ZNF385B: variants seen among roughly 807,000 people sequenced by gnomAD.
The protein encoded by ZNF385B is zinc finger protein 385B.
Under a neutral mutation model 39.2 loss-of-function variants are expected in ZNF385B, and 23 were observed. The ratio of observed to expected loss-of-function variants is 0.59; its 90% CI spans 0.42 to 0.83. The LOEUF (loss-of-function observed/expected upper bound fraction) is 0.83, where lower values mean the gene tolerates loss of function less well. ZNF385B is among the 40% of genes least tolerant of loss of function. The probability of loss-of-function intolerance (pLI) is 0.00; values close to 1 mark genes in which losing one functional copy is unlikely to be tolerated. For missense variants in ZNF385B, 552 were observed against 598.9 expected, an observed-to-expected ratio of 0.92 and a Z score of 0.82; for synonymous variants, 205 against 222.6, an observed-to-expected ratio of 0.92 and a Z score of 0.70.
chr2:179,599,936 C>T (rs1688283943), intron 3 of ZNF385B, among the ~76,000 whole-genome samples: 1 of 152,216 alleles, frequency 6.6e-6, no homozygotes, highest in Non-Finnish European at 1.5e-5. Context: ...GCTGCTGGCT[C>T]TGGGCTGCTC....
intron 3 of ZNF385B, among the ~76,000 whole-genome samples, chr2:179,707,046 G>A (rs1331167710): frequency 6.6e-6 from 1 of 152,160 alleles, no homozygotes; most frequent in East Asian, 1.9e-4. Context: ...GGTGAGATGA[G>A]CCCATAAAGG....
chr2:179,771,578 C>T (rs1022129664), intron 1 of ZNF385B, among the ~76,000 whole-genome samples: 14 of 152,166 alleles, frequency 9.2e-5, no homozygotes, highest in African/African-American at 2.7e-4. Context: ...TGTAGCTAAG[C>T]TACAGAAAAT....
At chr2:179,613,821 TTTTAAG>T (rs1225244768) in intron 3 of ZNF385B, among the ~76,000 whole-genome samples, 7 of 152,092 alleles carry the variant, frequency 4.6e-5, no homozygotes, top group African/African-American at 1.4e-4. Context: ...CTAGACTGCC[TTTTAAG>T]TTTATTTAGA....
chr2:179,638,193 TGA>T (rs1176252921), intron 3 of ZNF385B, among the ~76,000 whole-genome samples: 1 of 152,210 alleles, frequency 6.6e-6, no homozygotes, highest in Non-Finnish European at 1.5e-5. Flanking sequence ...TAAAATTTGT[TGA>T]GTGTCGATCT....
intron 6 of ZNF385B, among the ~76,000 whole-genome samples, chr2:179,454,349 G>GA (rs1287466809): frequency 6.6e-6 from 1 of 152,166 alleles, no homozygotes; most frequent in Non-Finnish European, 1.5e-5. Context: ...ATTCTGGTGT[G>GA]AACAAACCTA....
intron 6 of ZNF385B, among the ~76,000 whole-genome samples, chr2:179,458,138 T>C (rs544325277): frequency 1.4e-4 from 22 of 152,348 alleles, no homozygotes; most frequent in African/African-American, 5.3e-4. Flanking sequence ...TACCATATGA[T>C]ATGGTTTGGC....
At chr2:179,467,130 C>T (rs970578335) in intron 6 of ZNF385B, among the ~76,000 whole-genome samples, 4 of 151,986 alleles carry the variant, frequency 2.6e-5, no homozygotes, top group African/African-American at 9.7e-5. Flanking sequence ...TAACCCATAT[C>T]CCCAGGTGCA....
At chr2:179,816,657 C>T (rs1707089853) in intron 1 of ZNF385B, among the ~76,000 whole-genome samples, 1 of 152,120 alleles carries the variant, frequency 6.6e-6, no homozygotes, top group Admixed American at 6.6e-5. Context: ...AATAGAAGTT[C>T]AATGTTTGTC....
At chr2:179,596,753 C>T (rs1193158481) in intron 3 of ZNF385B, among the ~76,000 whole-genome samples, 1 of 152,194 alleles carries the variant, frequency 6.6e-6, no homozygotes, top group African/African-American at 2.4e-5. Context: ...CTTTTGTCAT[C>T]TGAATAGACT....
At chr2:179,860,089 G>A (rs568468412) in intron 1 of ZNF385B, among the ~76,000 whole-genome samples, 1 of 152,266 alleles carries the variant, frequency 6.6e-6, no homozygotes, top group African/African-American at 2.4e-5. Context: ...TCCTTCTATA[G>A]GAACATCTTT....
intron 3 of ZNF385B, among the ~76,000 whole-genome samples, chr2:179,641,693 T>TAGG (rs1692281473): frequency 1.3e-4 from 1 of 7,954 alleles, no homozygotes; most frequent in Admixed American, 2.2e-3. Context: ...ACATAACCCT[T>TAGG]AAGTAAAAAA....
chr2:179,585,917 A>G (rs1049875525), intron 3 of ZNF385B: 3 of 152,218 alleles, frequency 2.0e-5, no homozygotes, highest in Admixed American at 2.0e-4. Flanking sequence ...TCTAGAACAC[A>G]TATACGAACA....
chr2:179,455,938 A>G (rs867115745), intron 6 of ZNF385B, among the ~76,000 whole-genome samples: 3 of 151,894 alleles, frequency 2.0e-5, no homozygotes, highest in Non-Finnish European at 1.5e-5. Context: ...TAACAATGTG[A>G]GAAGGAACTA....
At chr2:179,520,075 T>C (rs2058372439) in intron 4 of ZNF385B, among the ~76,000 whole-genome samples, 1 of 152,096 alleles carries the variant, frequency 6.6e-6, no homozygotes, top group African/African-American at 2.4e-5. Context: ...CTTATGCCTA[T>C]AATCCCAGCA....
intron 1 of ZNF385B, among the ~76,000 whole-genome samples, chr2:179,839,881 G>A (rs1009209145): frequency 5.3e-5 from 8 of 152,184 alleles, no homozygotes; most frequent in Non-Finnish European, 1.0e-4. Context: ...ATGATGTGGT[G>A]CCCTTCCAGG....
At chr2:179,475,489 A>G (rs2105547080) in intron 6 of ZNF385B, among the ~76,000 whole-genome samples, 1 of 151,794 alleles carries the variant, frequency 6.6e-6, no homozygotes, top group South Asian at 2.1e-4. Flanking sequence ...TGACCTTGTG[A>G]TCCATCCGCC....
intron 5 of ZNF385B, among the ~76,000 whole-genome samples, chr2:179,511,198 G>A (rs535443740): frequency 5.3e-5 from 8 of 152,264 alleles, no homozygotes; most frequent in African/African-American, 1.2e-4. Context: ...AGCCAATAGC[G>A]TGTGGAAAGG....
chr2:179,734,088 T>A (rs1229000788), intron 3 of ZNF385B, among the ~76,000 whole-genome samples: 2 of 152,216 alleles, frequency 1.3e-5, no homozygotes. Flanking sequence ...TACAGACATA[T>A]CTTATTATTT....
chr2:179,614,307 A>ATTT (rs61160417), intron 3 of ZNF385B, among the ~76,000 whole-genome samples: 5 of 151,634 alleles, frequency 3.3e-5, no homozygotes, highest in Non-Finnish European at 4.4e-5. Flanking sequence ...CCACTTCTGT[A>ATTT]TTTTTTTTCT....
Sources: gnomAD v4.1 joint callset for allele counts (sites outside exome capture counted in the v4.1 genomes callset) on GRCh38, gnomAD v4.1.1 for gene constraint, MANE v1.5 for transcripts, NCBI Gene and HGNC (gene_info 2026-07-23, HGNC 2026-07-21) for gene names.